Variants in PAM observed in about 807,000 individuals in gnomAD.
The protein encoded by PAM is peptidylglycine alpha-amidating monooxygenase.
PAM carries 72 observed loss-of-function variants against 122.1 expected under a neutral mutation model. The ratio of observed to expected loss-of-function variants is 0.59; its 90% confidence interval spans 0.49 to 0.72. The LOEUF is 0.72. Among genes scored for constraint, PAM ranks in the 30% least tolerant of loss-of-function variants. The probability of loss-of-function intolerance (pLI) is 0.00; values close to 1 mark genes in which losing one functional copy is unlikely to be tolerated. For missense variants in PAM, 1,106 were observed against 1,183.7 expected, an observed-to-expected ratio of 0.93 and a Z score of 0.96; for synonymous variants, 389 against 404.4, an observed-to-expected ratio of 0.96 and a Z score of 0.46.
At chr5:102,772,920 A>G (rs1246168150) in intron 1 of PAM, among the ~76,000 whole-genome samples, 1 of 152,152 alleles carries the variant, frequency 6.6e-6, no homozygotes, top group South Asian at 2.1e-4. Context: ...TCAACCTATC[A>G]AAACAATGTA....
chr5:102,960,276 G>A (rs1290872029), intron 13 of PAM, among the ~76,000 whole-genome samples: 1 of 151,890 alleles, frequency 6.6e-6, no homozygotes, highest in East Asian at 1.9e-4. Context: ...ATCTCAGCCA[G>A]GGATGAAACA....
intron 15 of PAM, among the ~76,000 whole-genome samples, chr5:102,977,658 G>GCACACACACACACACA (rs10527378): frequency 7.0e-6 from 1 of 142,932 alleles, no homozygotes; most frequent in Non-Finnish European, 1.5e-5. Context: ...ATGCATGTGC[G>GCACACACACACACACA]CACACACACA....
At chr5:102,940,115 TACACACAC>T (rs66466018) in intron 7 of PAM, among the ~76,000 whole-genome samples, 2,825 of 134,432 alleles carry the variant, frequency 0.021, 85 homozygotes, top group African/African-American at 0.07. Context: ...TATGTATACA[TACACACAC>T]ACACACACAC....
intron 5 of PAM, among the ~76,000 whole-genome samples, chr5:102,920,092 C>G (rs1746873133): frequency 6.6e-6 from 1 of 152,054 alleles, no homozygotes; most frequent in African/African-American, 2.4e-5. Context: ...AATCTCAGCT[C>G]TGCTACTTGG....
intron 7 of PAM, among the ~76,000 whole-genome samples, chr5:102,929,240 A>G (rs1165232157): frequency 2.6e-5 from 4 of 152,208 alleles, no homozygotes; most frequent in South Asian, 2.1e-4. Flanking sequence ...ATGAATCTCT[A>G]TATGCCTGAT....
At chr5:102,908,951 A>G (rs1800539355) in intron 4 of PAM, among the ~76,000 whole-genome samples, 1 of 151,928 alleles carries the variant, frequency 6.6e-6, no homozygotes, top group African/African-American at 2.4e-5. Context: ...AAGATTATGA[A>G]CATTAAGGTT....
chr5:102,833,576 G>C (rs1196863941), intron 1 of PAM, among the ~76,000 whole-genome samples: 2 of 152,140 alleles, frequency 1.3e-5, no homozygotes, highest in Admixed American at 6.6e-5. Flanking sequence ...TAGCATAAAA[G>C]TATGTTTGAC....
At chr5:102,823,452 A>G (rs372727097) in intron 1 of PAM, among the ~76,000 whole-genome samples, 3 of 152,226 alleles carry the variant, frequency 2.0e-5, no homozygotes, top group Non-Finnish European at 2.9e-5. Context: ...AGTATTTCAA[A>G]TATGTGACCA....
At chr5:102,773,297 A>G (rs1580876767) in intron 1 of PAM, among the ~76,000 whole-genome samples, 1 of 152,144 alleles carries the variant, frequency 6.6e-6, no homozygotes, top group Non-Finnish European at 1.5e-5. Context: ...CAGTGCAGTG[A>G]CAACGTAGAG....
intron 1 of PAM, among the ~76,000 whole-genome samples, chr5:102,813,269 T>C (rs942950821): frequency 6.6e-6 from 1 of 152,208 alleles, no homozygotes; most frequent in Non-Finnish European, 1.5e-5. Context: ...TTTTGAATCT[T>C]TCTTGGTCAG....
intron 5 of PAM, among the ~76,000 whole-genome samples, chr5:102,916,142 G>T (rs1288280664): frequency 6.6e-6 from 1 of 152,068 alleles, no homozygotes; most frequent in Admixed American, 6.6e-5. Flanking sequence ...TGGAGTTCTT[G>T]TCTTCATTTT....
chr5:102,988,913 C>A (rs892245222), intron 15 of PAM, among the ~76,000 whole-genome samples: 1 of 152,128 alleles, frequency 6.6e-6, no homozygotes, highest in African/African-American at 2.4e-5. Flanking sequence ...CACAAGCATC[C>A]TTTCAAGTTT....
At chr5:102,985,240 TAGAG>T (rs1771390863) in intron 15 of PAM, among the ~76,000 whole-genome samples, 1 of 150,852 alleles carries the variant, frequency 6.6e-6, no homozygotes, top group Admixed American at 6.6e-5. Context: ...CTAAATGAAA[TAGAG>T]ACTAAAAAAA....
At chr5:102,996,477 C>G (rs1463641496) in intron 16 of PAM, among the ~76,000 whole-genome samples, 1 of 152,134 alleles carries the variant, frequency 6.6e-6, no homozygotes, top group Non-Finnish European at 1.5e-5. Context: ...GGTTACCTTT[C>G]TTTGAATTAC....
At chr5:102,884,506 C>T (rs1020630309) in intron 3 of PAM, among the ~76,000 whole-genome samples, 46 of 151,756 alleles carry the variant, frequency 3.0e-4, no homozygotes, top group African/African-American at 9.9e-4. Context: ...TATTATAGTC[C>T]GTCTGAAGAT....
chr5:102,762,379 A>G (rs1312985173), intron 1 of PAM, among the ~76,000 whole-genome samples: 3 of 152,172 alleles, frequency 2.0e-5, no homozygotes, highest in African/African-American at 7.2e-5. Flanking sequence ...AGGGTGTGGT[A>G]AGTCATCTTT....
intron 1 of PAM, among the ~76,000 whole-genome samples, chr5:102,791,860 C>T (rs1013828964): frequency 5.3e-5 from 8 of 152,016 alleles, no homozygotes; most frequent in Non-Finnish European, 7.4e-5. Context: ...TCTAGGACAT[C>T]GTAGGAGTTT....
At chr5:102,835,089 A>C (rs1776605107) in intron 1 of PAM, among the ~76,000 whole-genome samples, 1 of 152,132 alleles carries the variant, frequency 6.6e-6, no homozygotes, top group Non-Finnish European at 1.5e-5. Flanking sequence ...CACAATTTTT[A>C]GTCATTACTG....
At chr5:102,757,125 G>T (rs406690) in intron 1 of PAM, among the ~76,000 whole-genome samples, 5 of 151,514 alleles carry the variant, frequency 3.3e-5, no homozygotes, top group Non-Finnish European at 7.4e-5. Context: ...CAGAAGTTCC[G>T]TACCAGCCTG....
Sources: gnomAD v4.1 joint callset for allele counts (sites outside exome capture counted in the v4.1 genomes callset) on GRCh38, gnomAD v4.1.1 for gene constraint, MANE v1.5 for transcripts, NCBI Gene and HGNC (gene_info 2026-07-23, HGNC 2026-07-21) for gene names.